The following CADM1 variants were observed in gnomAD, a reference collection of about 807,000 sequenced individuals.
CADM1 encodes the protein cell adhesion molecule 1.
Under a neutral mutation model 53.1 loss-of-function variants are expected in CADM1, and 15 were observed. The observed-to-expected ratio is 0.28, with a 90% CI of 0.19 to 0.44. The LOEUF (loss-of-function observed/expected upper bound fraction) is 0.44. Among genes scored for constraint, CADM1 ranks in the 20% least tolerant of loss-of-function variants. The pLI is 1.00. For missense variants in CADM1, 434 were observed against 611.3 expected (o/e 0.71, Z 3.06); for synonymous variants, 281 against 243.0 (o/e 1.16, Z -1.45).
intron 1 of CADM1, among the ~76,000 whole-genome samples, chr11:115,311,430 C>A (rs1944529672): frequency 6.6e-6 from 1 of 152,094 alleles, no homozygotes; most frequent in Non-Finnish European, 1.5e-5. Flanking sequence ...TACCAAAATC[C>A]ATGCATATTC....
intron 9 of CADM1, among the ~76,000 whole-genome samples, chr11:115,192,081 T>C (rs1332593426): frequency 6.6e-6 from 1 of 152,214 alleles, no homozygotes; most frequent in African/African-American, 2.4e-5. Context: ...CCAAAACAAA[T>C]GCTTTTGAAA....
intron 8 of CADM1, among the ~76,000 whole-genome samples, chr11:115,199,354 T>C (rs1280466265): frequency 6.6e-6 from 1 of 151,226 alleles, no homozygotes; most frequent in Non-Finnish European, 1.5e-5. Context: ...CAGTTTTTTG[T>C]TTTTGTTTTT....
chr11:115,415,968 T>C (rs1405971681), intron 1 of CADM1, among the ~76,000 whole-genome samples: 1 of 151,966 alleles, frequency 6.6e-6, no homozygotes, highest in African/African-American at 2.4e-5. Flanking sequence ...CTGTAGTTGG[T>C]GCATCCTACT....
chr11:115,332,025 C>T (rs1205957413), intron 1 of CADM1, among the ~76,000 whole-genome samples: 2 of 151,876 alleles, frequency 1.3e-5, no homozygotes, highest in Non-Finnish European at 2.9e-5. Flanking sequence ...GGTGCCTGAG[C>T]GTAACAGTCG....
At chr11:115,245,968 A>G (rs1397824188) in intron 1 of CADM1, among the ~76,000 whole-genome samples, 1 of 152,214 alleles carries the variant, frequency 6.6e-6, no homozygotes, top group African/African-American at 2.4e-5. Flanking sequence ...TTGAAAATAA[A>G]TTATTCGAAG....
At chr11:115,206,519 A>G (rs1940687368) in intron 8 of CADM1, among the ~76,000 whole-genome samples, 1 of 152,214 alleles carries the variant, frequency 6.6e-6, no homozygotes, top group African/African-American at 2.4e-5. Flanking sequence ...GACTCAGAAC[A>G]GAATGTCAGT....
chr11:115,338,544 G>A (rs1323659333), intron 1 of CADM1, among the ~76,000 whole-genome samples: 1 of 152,042 alleles, frequency 6.6e-6, no homozygotes, highest in African/African-American at 2.4e-5. Flanking sequence ...ATAAATCCTT[G>A]AACCCAACAT....
At chr11:115,296,056 T>A (rs573148508) in intron 1 of CADM1, among the ~76,000 whole-genome samples, 6 of 152,132 alleles carry the variant, frequency 3.9e-5, no homozygotes, top group Non-Finnish European at 8.8e-5. Context: ...GTACAAGTGA[T>A]CCTCCTGCCT....
At chr11:115,307,943 T>C (rs1944421020) in intron 1 of CADM1, among the ~76,000 whole-genome samples, 1 of 151,804 alleles carries the variant, frequency 6.6e-6, no homozygotes, top group Admixed American at 6.6e-5. Flanking sequence ...CTTAACAGCA[T>C]GATTCCAAAT....
At chr11:115,433,753 GC>G (rs1194603407) in intron 1 of CADM1, among the ~76,000 whole-genome samples, 1 of 152,178 alleles carries the variant, frequency 6.6e-6, no homozygotes, top group African/African-American at 2.4e-5. Flanking sequence ...AAGTGGAAGA[GC>G]TGAGGAAATT....
At chr11:115,307,920 C>G (rs1565356061) in intron 1 of CADM1, among the ~76,000 whole-genome samples, 2 of 151,766 alleles carry the variant, frequency 1.3e-5, no homozygotes, top group Admixed American at 6.6e-5. Context: ...AAATCCACAA[C>G]TTCAGTGTCC....
intron 1 of CADM1, among the ~76,000 whole-genome samples, chr11:115,358,010 A>C (rs1027950266): frequency 1.3e-5 from 2 of 152,180 alleles, no homozygotes; most frequent in East Asian, 3.9e-4. Context: ...ATTGAGGTCT[A>C]ATAAATGCAT....
At chr11:115,483,727 C>G (rs1949306494) in intron 1 of CADM1, among the ~76,000 whole-genome samples, 2 of 152,150 alleles carry the variant, frequency 1.3e-5, no homozygotes, top group Non-Finnish European at 2.9e-5. Flanking sequence ...GTTTTTTAGT[C>G]TAGAGCTATG....
intron 1 of CADM1, among the ~76,000 whole-genome samples, chr11:115,290,937 A>T (rs1301880830): frequency 6.6e-6 from 1 of 152,186 alleles, no homozygotes; most frequent in Non-Finnish European, 1.5e-5. Context: ...CAGCATACCA[A>T]AACATCTCCA....
chr11:115,500,164 G>A (rs184235077), intron 1 of CADM1, among the ~76,000 whole-genome samples: 198 of 152,236 alleles, frequency 1.3e-3, no homozygotes, highest in African/African-American at 4.6e-3. Flanking sequence ...CAAGAAAAAC[G>A]TACAGCATTT....
At chr11:115,286,361 G>A in intron 1 of CADM1, among the ~76,000 whole-genome samples, 1 of 151,998 alleles carries the variant, frequency 6.6e-6, no homozygotes, top group Non-Finnish European at 1.5e-5. Flanking sequence ...AATACACAAA[G>A]AGAACCAAAG....
At chr11:115,257,416 A>G (rs1352482504) in intron 1 of CADM1, among the ~76,000 whole-genome samples, 1 of 152,214 alleles carries the variant, frequency 6.6e-6, no homozygotes, top group African/African-American at 2.4e-5. Flanking sequence ...ATTAAATTGT[A>G]GCACTATTCA....
At chr11:115,375,413 CCTCGGTAATGGTTA>C (rs1266886192) in intron 1 of CADM1, among the ~76,000 whole-genome samples, 1 of 152,142 alleles carries the variant, frequency 6.6e-6, no homozygotes, top group Non-Finnish European at 1.5e-5. Flanking sequence ...AAGTTCTTGA[CCTCGGTAATGGTTA>C]CTCGGGTGTT....
At chr11:115,244,064 C>A (rs1942329845) in intron 1 of CADM1, among the ~76,000 whole-genome samples, 1 of 152,172 alleles carries the variant, frequency 6.6e-6, no homozygotes. Flanking sequence ...CTATAACTCC[C>A]CGATTTGCCA....
Sources: allele counts gnomAD v4.1 joint callset (sites outside exome capture counted in the v4.1 genomes callset), GRCh38; gene constraint gnomAD v4.1.1; transcripts MANE v1.5; gene names NCBI Gene and HGNC (gene_info 2026-07-23, HGNC 2026-07-21).